PCNT: variants seen among roughly 807,000 people sequenced by gnomAD.
The protein encoded by PCNT is pericentrin, also known as kendrin.
Under a neutral mutation model 380.4 loss-of-function variants are expected in PCNT, and 319 were observed. The observed-to-expected ratio is 0.84, with a 90% CI of 0.77 to 0.92. The LOEUF is 0.92. PCNT is among the 40% of genes least tolerant of loss of function. PCNT has a pLI of 0.00. For synonymous variants in PCNT, 1,845 were observed against 1,735.2 expected, an observed-to-expected ratio of 1.06 and a Z score of -1.57; for missense variants, 4,400 against 4,255.3, an observed-to-expected ratio of 1.03 and a Z score of -0.95.
Position 46,401,722 on chromosome 21 carries a change from G to T in PCNT, c.4962+1G>T, listed in dbSNP as rs759918881. ...AGCACTCCTGCGGCGCGAGAGCGAG[G>T]TGAGTGCAGAGTGGGGCCATGGGAC... On this transcript the variant is annotated splice_donor_variant, in intron 26 of 46. Coordinates refer to ENST00000359568, the MANE Select transcript of PCNT (RefSeq NM_006031.6). LOFTEE classifies it high-confidence loss of function. 1 of 1,614,050 alleles carries T rather than the reference G, an allele frequency of 6.2e-7. No individual in the cohort carries two copies. The highest frequency in any genetic ancestry group is 1.7e-5 in the Admixed American group (1 of 60,028).
chr21:46,397,919 C>T, intron 22 of PCNT, 95 bp from the exon 23 acceptor site: 1 of 880,404 alleles, frequency 1.1e-6, no homozygotes, highest in Non-Finnish European at 1.8e-6. Flanking sequence ...TGGGCAGTTG[C>T]ACTTGTACGT....
At chr21:46,396,784 G>A (rs1314080326) in intron 21 of PCNT, among the ~76,000 whole-genome samples, 2 of 152,066 alleles carry the variant, frequency 1.3e-5, no homozygotes, top group Admixed American at 6.5e-5. Flanking sequence ...TGTATTTTTA[G>A]TAGAGACAGG....
rs1367134602 is a variant in PCNT, at chr21:46,445,502, G to C, written c.*175G>C. The C allele has an allele frequency of 3.0e-6, 2 of 660,050 alleles. No individual in the cohort carries two copies. The highest frequency in any genetic ancestry group is 3.6e-5 in the African/African-American group (2 of 55,110). 40.9% of individuals were successfully genotyped at this position (660,050 alleles called of 1,614,324 possible). A position where few individuals can be genotyped will look rare whatever the true frequency, so the allele number is the denominator to read the frequency against. On this transcript the variant is annotated 3_prime_UTR_variant, in exon 47 of 47. Transcript: ENST00000359568. ...ACCTTTATGCATGACTGCAAAGCCA[G>C]CTGGAGCATTTTCTATGGAGCCTCC...
Position 46,355,474 on chromosome 21 carries a change from C to T in PCNT, c.1784C>T (p.Ala595Val), listed in dbSNP as rs143028464. ...RHKESLPRFQ[A>V]ELEESHRHQL... ...TAGGAGAGCCTGCCACGCTTCCAGG[C>T]GGAGTTAGAAGAAAGCCACAGGCAC... The change falls in exon 12 of 47, where the codon GCG (alanine) becomes GTG (valine). Residue 595 changes from alanine (A) to valine (V), a missense_variant. By Grantham distance (64) the Ala-to-Val change is moderately conservative. Coordinates refer to ENST00000359568, the MANE Select transcript of PCNT (RefSeq NM_006031.6). The T allele has an allele frequency of 5.1e-4, 819 of 1,613,992 alleles. 5 individuals are homozygous for T. The African/African-American group carries it at 8.5e-3, about 17-fold the overall frequency.
At position 46,437,083 on chromosome 21, in the gene PCNT, TA is replaced by T; in HGVS notation, c.9099+4del. ...TTGAGCAGGCCCACCTCCTCCCAGG[TA>T]AGGGGTGAGCGCCCCCAGGTCCCTG... is the stretch of plus-strand genomic sequence containing the variant. On this transcript the variant is annotated splice_donor_region_variant and intron_variant, in intron 40 of 46. Coordinates refer to ENST00000359568, the MANE Select transcript of PCNT (RefSeq NM_006031.6). 2.5e-6 allele frequency: 4 copies of T among 1,610,492 alleles called. No individual in the cohort carries two copies. The highest frequency in any genetic ancestry group is 3.4e-6 in the Non-Finnish European group (4 of 1,177,104).
intron 46 of PCNT, 83 bp from the exon 47 acceptor site, chr21:46,445,201 G>T: frequency 1.1e-6 from 1 of 908,416 alleles, no homozygotes; most frequent in Non-Finnish European, 1.9e-6. Flanking sequence ...TTCAGTGATA[G>T]TGTTTCAAAA....
rs751373101 is a variant in PCNT, at chr21:46,346,928, G to C, written c.906G>C (p.Glu302Asp). 2.5e-6 allele frequency: 4 copies of C among 1,599,772 alleles called. No individual in the cohort carries two copies. Among genetic ancestry groups the C allele is most frequent in the Non-Finnish European group, 2.6e-6 (3 of 1,174,654 alleles). The stretch of plus-strand genomic sequence containing the variant: ...TGCTACAGAGCAGGCAGCAGCACGA[G>C]CTGGAGCTCCTCAGGGAGCAGCACG... ...LALLQSRQQH[E>D]LELLREQHAR... Residue 302 changes from glutamate (E) to aspartate (D), a missense_variant, in exon 5 of 47, where the codon GAG becomes GAC. Physicochemically the swap from Glu to Asp is conservative, Grantham distance 45 (BLOSUM62 2). Transcript: ENST00000359568.
chr21:46,352,752 G>C (rs1421827040), intron 9 of PCNT, among the ~76,000 whole-genome samples: 1 of 152,210 alleles, frequency 6.6e-6, no homozygotes, highest in Admixed American at 6.5e-5. Flanking sequence ...GTCAGCTGTC[G>C]TGTGCCAACC....
At chr21:46,412,638 G>C (rs1352492903) in intron 28 of PCNT, among the ~76,000 whole-genome samples, 199 bp from the exon 29 acceptor site, 2 of 152,216 alleles carry the variant, frequency 1.3e-5, no homozygotes, top group Admixed American at 1.3e-4. Context: ...TCCTGGGTCG[G>C]GGCAGCTTTC....
Position 46,441,059 on chromosome 21 carries a change from G to A in PCNT, c.9598G>A (p.Val3200Ile), listed in dbSNP as rs561720100. Reference sequence around the variant, plus strand: ...TCCTTTCACCAGGTTCCGCACGGCCGTCAGGGTGGTCATTGCAATATTAAG... The same window carrying A: ...TCCTTTCACCAGGTTCCGCACGGCCATCAGGGTGGTCATTGCAATATTAAG... ...SRPFTRFRTA[V>I]RVVIAILRLR... Residue 3200 changes from valine to isoleucine, a missense_variant, in exon 43 of 47, where the codon GTC (valine) becomes ATC (isoleucine). Physicochemically the swap from Val to Ile is conservative, Grantham distance 29. Transcript: ENST00000359568. 1.5e-5 allele frequency: 25 copies of A among 1,613,138 alleles called. No individual in the cohort carries two copies. The highest frequency in any genetic ancestry group is 1.1e-4 in the South Asian group (10 of 91,070).
At chr21:46,437,595 C>T (rs910976268) in intron 40 of PCNT, among the ~76,000 whole-genome samples, 5 of 152,226 alleles carry the variant, frequency 3.3e-5, no homozygotes, top group Non-Finnish European at 5.9e-5. Flanking sequence ...CTGTAAGCTG[C>T]CTCTGAAGGA....
intron 31 of PCNT, among the ~76,000 whole-genome samples, chr21:46,419,464 G>A (rs1602042813): frequency 6.6e-6 from 1 of 152,244 alleles, no homozygotes; most frequent in Admixed American, 6.5e-5. Context: ...CTAGCCCCTC[G>A]CCACACGCCC....
intron 37 of PCNT, 71 bp from the exon 38 acceptor site, chr21:46,431,458 T>C: frequency 6.2e-7 from 1 of 1,612,450 alleles, no homozygotes; most frequent in South Asian, 1.1e-5. Context: ...TAAACAAATG[T>C]GGACAGGAAA....
chr21:46,324,915 C>G lies in PCNT; in HGVS notation c.54+633C>G. On this transcript the variant is annotated intron_variant, in intron 1 of 46. Coordinates refer to ENST00000359568, the MANE Select transcript of PCNT (RefSeq NM_006031.6). ...GTTGCAGTCCTTACTGTGTGAAAGG[C>G]CCCCGCGGCGCTCCCGGCCGCCGTC... is the stretch of plus-strand genomic sequence containing the variant. 3 of 985,444 alleles carry G rather than the reference C, an allele frequency of 3.0e-6. No homozygotes were observed. In the South Asian group the frequency reaches 1.4e-4, roughly 46 times the overall value. 61.0% of individuals were successfully genotyped at this position (985,444 alleles called of 1,614,324 possible). A position where few individuals can be genotyped will look rare whatever the true frequency, so the allele number is the denominator to read the frequency against.
chr21:46,364,122 G>C (rs1267391851), intron 14 of PCNT, among the ~76,000 whole-genome samples, 188 bp downstream of exon 14: 1 of 152,060 alleles, frequency 6.6e-6, no homozygotes, highest in African/African-American at 2.4e-5. Flanking sequence ...GTGCTCGGAC[G>C]GGCAGGCTGG....
intron 26 of PCNT, among the ~76,000 whole-genome samples, chr21:46,401,961 C>T (rs1470103023): frequency 1.3e-5 from 2 of 152,220 alleles, no homozygotes; most frequent in Non-Finnish European, 2.9e-5. Flanking sequence ...AGCGATTCTC[C>T]TGCCTCGGCC....
rs745810921 is a variant in PCNT at position 46,444,836 on chromosome 21, C to G, written c.9967+15C>G. The G allele has an allele frequency of 6.2e-7, 1 of 1,611,534 alleles. No individual in the cohort carries two copies. Among genetic ancestry groups the G allele is most frequent in the Non-Finnish European group, 8.5e-7 (1 of 1,177,796 alleles). ...GGTACTACCAGGTAATGCAAGTCCT[C>G]GCCGAGTATTTATTAAGCTGATTAT... On this transcript the variant is annotated intron_variant, in intron 46 of 46. Transcript: ENST00000359568.
rs775453949 is a variant in PCNT, at chr21:46,349,715, A to G, written c.1239A>G (p.Gln413=). The change falls in exon 8 of 47, where the codon CAA becomes CAG. Residue 413 remains glutamine (Q), a synonymous_variant. Transcript: ENST00000359568. ...RALRNLESHH[Q]AAIEKLREDL... is the part of the protein sequence containing the mutation. Reference sequence around the variant, plus strand: ...TTAGGAACCTGGAGAGTCATCATCAAGCAGCCATTGAGAAGTTACGTGAAG... The same window carrying G: ...TTAGGAACCTGGAGAGTCATCATCAGGCAGCCATTGAGAAGTTACGTGAAG... 32 of 1,613,988 alleles carry G rather than the reference A, an allele frequency of 2.0e-5. No individual in the cohort carries two copies. Among genetic ancestry groups the G allele is most frequent in the Non-Finnish European group, 2.6e-5 (31 of 1,179,946 alleles).
chr21:46,346,151 T>A lies in PCNT; in HGVS notation c.663T>A (p.Leu221=). The change falls in exon 4 of 47, where the codon CTT becomes CTA. Residue 221 remains leucine (L), a synonymous_variant. Coordinates refer to ENST00000359568, the MANE Select transcript of PCNT (RefSeq NM_006031.6). ...FTKECEQECE[L]AITDLESGRE... is the part of the protein sequence containing the mutation. ...AGGAGTGTGAACAAGAATGTGAACT[T>A]GCCATTACTGACCTGGAGAGCGGCC... The A allele has an allele frequency of 6.2e-7, 1 of 1,614,138 alleles. No individual in the cohort carries two copies. Among genetic ancestry groups the A allele is most frequent in the South Asian group, 1.1e-5 (1 of 91,082 alleles).
Sources: allele counts gnomAD v4.1 joint callset (sites outside exome capture counted in the v4.1 genomes callset), GRCh38; gene constraint gnomAD v4.1.1; transcripts MANE v1.5; gene names NCBI Gene and HGNC (gene_info 2026-07-23, HGNC 2026-07-21).